The following HEXA variants were observed in gnomAD, a reference collection of about 807,000 sequenced individuals.
HEXA encodes beta-hexosaminidase subunit alpha.
A neutral mutation model predicts 73.3 loss-of-function variants in HEXA; 54 were observed. That is an observed-to-expected ratio of 0.74 (90% CI 0.59 to 0.92). HEXA has a LOEUF of 0.92. HEXA is among the 40% of genes least tolerant of loss of function. The pLI is 0.00. For missense variants in HEXA, 649 were observed against 653.0 expected (o/e 0.99, Z 0.07); for synonymous variants, 230 against 246.9 (o/e 0.93, Z 0.64).
At chr15:72,363,870 AAT>A (rs1459078544) in intron 1 of HEXA, among the ~76,000 whole-genome samples, 1 of 152,108 alleles carries the variant, frequency 6.6e-6, no homozygotes, top group East Asian at 1.9e-4. Context: ...ATCTCCCTAA[AAT>A]TCTAGATCTC....
intron 1 of HEXA, among the ~76,000 whole-genome samples, chr15:72,364,259 G>A (rs898057401): frequency 2.5e-4 from 38 of 151,694 alleles, no homozygotes; most frequent in African/African-American, 4.8e-4. Context: ...GTGACAGAGC[G>A]AGACTGTCTC....
chr15:72,349,034 T>TA, intron 8 of HEXA, 45 bp downstream of exon 8: 1 of 1,533,598 alleles, frequency 6.5e-7, no homozygotes, highest in Non-Finnish European at 9.0e-7. Context: ...CTATTCTGAG[T>TA]AAGCAACTGA....
rs1168832090 is a variant in HEXA, at chr15:72,345,508, C to G, written c.1464G>C (p.Lys488Asn). 1 of 1,614,270 alleles carries G rather than the reference C, an allele frequency of 6.2e-7. No homozygotes were observed. The highest frequency in any genetic ancestry group is 1.1e-5 in the South Asian group (1 of 91,086). ...GAVAERLWSN[K>N]LTSDLTFAYE... is the part of the protein sequence containing the mutation. ...AGGCAAATGTCAGGTCAGATGTCAA[C>G]TTGTTGCTCCACAGCCTTTCGGCAA... The change falls in exon 13 of 14, where the codon AAG (lysine) becomes AAC (asparagine). Residue 488 changes from lysine to asparagine, a missense_variant. By Grantham distance (94) the Lys-to-Asn change is moderately conservative (BLOSUM62 0). Coordinates refer to ENST00000268097, the MANE Select transcript of HEXA (RefSeq NM_000520.6).
chr15:72,361,299 G>A (rs2088850590), intron 1 of HEXA, among the ~76,000 whole-genome samples: 2 of 152,022 alleles, frequency 1.3e-5, no homozygotes, highest in Admixed American at 1.3e-4. Flanking sequence ...TGCTCTCTTG[G>A]TTTTCCTTCT....
At chr15:72,348,001 A>G in intron 9 of HEXA, 47 bp downstream of exon 9, 2 of 1,331,510 alleles carry the variant, frequency 1.5e-6, no homozygotes, top group Non-Finnish European at 2.2e-6. Flanking sequence ...GGAGGACCCC[A>G]CAGGAGGACC....
At chr15:72,352,236 G>C (rs1398575100) in intron 5 of HEXA, among the ~76,000 whole-genome samples, 1 of 152,076 alleles carries the variant, frequency 6.6e-6, no homozygotes, top group East Asian at 1.9e-4. Flanking sequence ...AGGATTACAG[G>C]TGTGAGCCAC....
chr15:72,350,202 C>T (rs2088676606), intron 7 of HEXA: 1 of 403,724 alleles, frequency 2.5e-6, no homozygotes, highest in East Asian at 5.7e-5. Context: ...CTGCAGGCTG[C>T]CCTTGGGCTT....
In HEXA at chr15:72,343,968, CAGGCAAGGGGCACGA is replaced by C; in HGVS notation, c.*94_*108del. The C allele has an allele frequency of 4.5e-6, 4 of 883,748 alleles. No homozygotes were observed. The highest frequency in any genetic ancestry group is 1.8e-5 in the Admixed American group (1 of 56,598). The allele number at this position is 883,748 out of a possible 1,614,324, so 54.7% of individuals were successfully genotyped here. A position where few individuals can be genotyped will look rare whatever the true frequency, so the allele number is the denominator to read the frequency against. ...CTTTCTCTCCAAGCACAGGGGCACG[CAGGCAAGGGGCACGA>C]AGGCAAGGGGCTCCGTCCCCTGGCC... is the stretch of plus-strand genomic sequence containing the variant. On this transcript the variant is annotated 3_prime_UTR_variant, in exon 14 of 14. Coordinates refer to ENST00000268097, the MANE Select transcript of HEXA (RefSeq NM_000520.6).
chr15:72,349,280 A>G lies in HEXA; in HGVS notation c.806-21T>C, dbSNP rs1363013379. The G allele has an allele frequency of 3.7e-6, 6 of 1,601,626 alleles. No individual in the cohort carries two copies. The East Asian group carries it at 1.1e-4, about 30-fold the overall frequency. On this transcript the variant is annotated intron_variant, in intron 7 of 13. Transcript: ENST00000268097. ...GATACCTAAGCCAAGAGAAAACCCC[A>G]TATGAGTGTCACAAATACATAAACC...
chr15:72,345,663 G>A (rs2088603116), intron 12 of HEXA, 113 bp from the exon 13 acceptor site: 15 of 1,538,550 alleles, frequency 9.7e-6, no homozygotes, highest in Non-Finnish European at 1.3e-5. Context: ...CAGGCCAAAG[G>A]AAGTGATCAA....
At chr15:72,359,256 A>G (rs1192215926) in intron 1 of HEXA, 1 of 152,124 alleles carries the variant, frequency 6.6e-6, no homozygotes, top group African/African-American at 2.4e-5. Flanking sequence ...AGACCTTGTG[A>G]TTCCATAGAC....
rs568084329 is a variant in HEXA, at chr15:72,357,198, T to C, written c.254-581A>G. 119 of 179,206 alleles carry C rather than the reference T, an allele frequency of 6.6e-4. 1 individual carries two copies. The highest frequency in any genetic ancestry group is 2.4e-5 in the Non-Finnish European group (2 of 82,336). The allele number at this position is 179,206 out of a possible 1,614,324, so 11.1% of individuals were successfully genotyped here. On this transcript the variant is annotated intron_variant, in intron 1 of 13. Transcript: ENST00000268097. ...TTGGCATATTAAGTAGTACTGCTCTTGAGGGCTCCAGATGAAGGGTTTCCA... is the reference window on the plus strand; with the variant it reads ...TTGGCATATTAAGTAGTACTGCTCTCGAGGGCTCCAGATGAAGGGTTTCCA...
chr15:72,370,569 T>G, intron 1 of HEXA: 1 of 398,304 alleles, frequency 2.5e-6, no homozygotes, highest in Non-Finnish European at 4.4e-6. Context: ...TGCGGTGGCA[T>G]GCGTCTGTAG....
In HEXA at chr15:72,375,984, C is replaced by G. The variant is rs779349017; in HGVS notation, c.-12G>C. ...CTGGAGCTTGTCATGGCCCGCTGGT[C>G]TCCCCTCTCGGAGGGGGCTGGCCAC... On this transcript the variant is annotated 5_prime_UTR_variant, in exon 1 of 14. Transcript: ENST00000268097. The G allele has an allele frequency of 6.8e-6, 11 of 1,612,488 alleles. No individual in the cohort carries two copies. Among genetic ancestry groups the G allele is most frequent in the Admixed American group, 1.7e-5 (1 of 60,030 alleles).
rs765492434 is a variant in HEXA at position 72,346,217 on chromosome 15, C to G, written c.1421+18G>C. On this transcript the variant is annotated intron_variant, in intron 12 of 13. Transcript: ENST00000268097. ...GCTCTCAGGCCCAACCCTCCACCTC[C>G]CCCCCGAAAACCCTTACCAGAGCCT... 9.4e-6 allele frequency: 15 copies of G among 1,594,324 alleles called. No individual in the cohort carries two copies. Among genetic ancestry groups the G allele is most frequent in the Non-Finnish European group, 1.3e-5 (15 of 1,162,710 alleles).
In HEXA at chr15:72,351,141, T is replaced by A. The variant is rs768751360; in HGVS notation, c.664A>T (p.Met222Leu). The A allele has an allele frequency of 1.9e-6, 3 of 1,598,520 alleles. No individual in the cohort carries two copies. In the South Asian group the frequency reaches 3.3e-5, roughly 18 times the overall value. ...PYESFTFPEL[M>L]RKGSYNPVTH... ...GTGAAACGGGAACATACCTTTCTCA[T>A]GAGCTCTGGAAAAGTGAAGCTCTCA... The change falls in exon 6 of 14, where the codon ATG becomes TTG. Residue 222 changes from methionine (M) to leucine (L), a missense_variant. Transcript: ENST00000268097.
intron 7 of HEXA, 197 bp downstream of exon 7, chr15:72,350,321 C>T (rs1595799857): frequency 1.5e-6 from 1 of 665,216 alleles, no homozygotes. Flanking sequence ...TCTAACAGTA[C>T]ATATTTTAAT....
intron 1 of HEXA, among the ~76,000 whole-genome samples, chr15:72,368,315 C>T (rs2088943749): frequency 6.6e-6 from 1 of 152,234 alleles, no homozygotes; most frequent in Middle Eastern, 3.4e-3. Flanking sequence ...CTGACAAAGA[C>T]GTGTATGAGT....
chr15:72,370,010 A>G (rs140270502), intron 1 of HEXA: 1 of 151,252 alleles, frequency 6.6e-6, no homozygotes, highest in Admixed American at 6.6e-5. Context: ...AGTTCTTCCC[A>G]CTATTATACC....
Sources: gnomAD v4.1 joint callset for allele counts (sites outside exome capture counted in the v4.1 genomes callset) on GRCh38, gnomAD v4.1.1 for gene constraint, MANE v1.5 for transcripts, NCBI Gene and HGNC (gene_info 2026-07-23, HGNC 2026-07-21) for gene names.